The following SON variants were observed in gnomAD, a reference collection of about 807,000 sequenced individuals.
SON encodes SON DNA and RNA binding protein.
Under a neutral mutation model 173.3 loss-of-function variants are expected in SON, and 4 were observed. The observed-to-expected ratio is 0.02, with a 90% CI of 0.01 to 0.05. The LOEUF (loss-of-function observed/expected upper bound fraction) is 0.05. SON is among the 10% of genes least tolerant of loss of function. The pLI, the probability that SON is intolerant of heterozygous loss-of-function variation, is 1.00. For synonymous variants in SON, 1,190 were observed against 1,105.9 expected (o/e 1.08, Z -1.51); for missense variants, 2,626 against 3,055.3 (o/e 0.86, Z 3.31).
intron 6 of SON, among the ~76,000 whole-genome samples, chr21:33,563,195 T>C (rs1258644420): frequency 6.6e-6 from 1 of 152,188 alleles, no homozygotes; most frequent in Non-Finnish European, 1.5e-5. Flanking sequence ...CTTATGTGGT[T>C]AACGCTGAAT....
chr21:33,549,516 A>G lies in SON; in HGVS notation c.285A>G (p.Val95=). The G allele has an allele frequency of 6.4e-7, 1 of 1,568,406 alleles. No homozygotes were observed. Among genetic ancestry groups the G allele is most frequent in the Non-Finnish European group, 8.6e-7 (1 of 1,165,356 alleles). ...EGSRKSRCVS[V]QTDPTDEIPT... ...CCAGAAAAAGTAGATGCGTATCTGT[A>G]CAAACAGATCCTACTGATGAAATTC... The change falls in exon 3 of 12, where the codon GTA becomes GTG. Residue 95 remains valine, a synonymous_variant. Transcript: ENST00000356577.
At position 33,554,906 on chromosome 21, in the gene SON, A is replaced by G. The variant is rs749079133; in HGVS notation, c.5675A>G (p.Lys1892Arg). ...GRRSVSKEKRKRSPKHRSKSR... is the reference protein window; with the variant it reads ...GRRSVSKEKRRRSPKHRSKSR... ...AGATCTGTATCAAAAGAGAAGCGCAAAAGATCTCCAAAGCACAGATCCAAG... is the reference window on the plus strand; with the variant it reads ...AGATCTGTATCAAAAGAGAAGCGCAGAAGATCTCCAAAGCACAGATCCAAG... The change falls in exon 3 of 12, where the codon AAA (lysine) becomes AGA (arginine). Residue 1892 changes from lysine (K) to arginine (R), a missense_variant. Transcript: ENST00000356577. 1.2e-5 allele frequency: 19 copies of G among 1,614,066 alleles called. No homozygotes were observed. The highest frequency in any genetic ancestry group is 8.9e-5 in the East Asian group (4 of 44,900).
intron 3 of SON, among the ~76,000 whole-genome samples, chr21:33,556,933 G>GC (rs2085978899): frequency 1.3e-5 from 2 of 151,714 alleles, no homozygotes; most frequent in Non-Finnish European, 2.9e-5. Flanking sequence ...CCTGAATGAG[G>GC]CCACTGCTGA....
Position 33,554,840 on chromosome 21 carries a change from G to A in SON, c.5609G>A (p.Arg1870Lys), listed in dbSNP as rs1450973225. Residue 1870 changes from arginine (R) to lysine (K), a missense_variant, in exon 3 of 12, where the codon AGG (arginine) becomes AAG (lysine). Around this residue, in one of 13 missense-constraint regions of SON, gnomAD observed 1,006 missense variants for 895.6 expected, o/e 1.12. Transcript: ENST00000356577. ...QTRSRSRSRR[R>K]RRSSRSRSKS... ...CGTTCACGGTCACGTTCAAGACGCAGGAGGAGAAGCAGCAGATCAAGATCA... is the reference window on the plus strand; with the variant it reads ...CGTTCACGGTCACGTTCAAGACGCAAGAGGAGAAGCAGCAGATCAAGATCA... The A allele has an allele frequency of 6.2e-7, 1 of 1,614,034 alleles. No homozygotes were observed. The highest frequency in any genetic ancestry group is 2.2e-5 in the East Asian group (1 of 44,886).
At chr21:33,570,395 C>A (rs780767839) in intron 8 of SON, among the ~76,000 whole-genome samples, 4 of 152,174 alleles carry the variant, frequency 2.6e-5, no homozygotes, top group African/African-American at 9.7e-5. Flanking sequence ...GTTGATCTTA[C>A]TAACAAATTA....
rs2085760016 is a variant in SON at position 33,550,853 on chromosome 21, A to C, written c.1622A>C (p.Glu541Ala). ...GCAACAGGGTTGCTGGGGCAGCCTG[A>C]GGCAACGATGGTGCTGGAGTTGCCA... Reference protein sequence around the residue: ...TTATGLLGQPEATMVLELPGQ... With the variant: ...TTATGLLGQPAATMVLELPGQ... Residue 541 changes from glutamate to alanine, a missense_variant, in exon 3 of 12, where the codon GAG (glutamate) becomes GCG (alanine). This residue lies in a region of SON where 757 missense variants were observed against 730.1 expected (regional missense o/e 1.04). Transcript: ENST00000356577. 1 of 1,613,066 alleles carries C rather than the reference A, an allele frequency of 6.2e-7. No homozygotes were observed.
chr21:33,554,335 AGTG>A lies in SON; in HGVS notation c.5106_5108del (p.Ser1702_Gly1703delinsArg). The stretch of plus-strand genomic sequence containing the variant: ...AGCTCTGCTCAGCCCTAAAGAAAGT[AGTG>A]GAGGAGAAAAAGAAGTACCTCCCCC... On this transcript the variant is annotated inframe_deletion, in exon 3 of 12. Transcript: ENST00000356577. 6.2e-7 allele frequency: 1 copy of A among 1,614,158 alleles called. No individual in the cohort carries two copies. Among genetic ancestry groups the A allele is most frequent in the Middle Eastern group, 1.6e-4 (1 of 6,062 alleles).
chr21:33,555,359 G>A lies in SON; in HGVS notation c.6128G>A (p.Arg2043Gln), dbSNP rs750896991. 1.0e-5 allele frequency: 16 copies of A among 1,578,830 alleles called. No homozygotes were observed. Among genetic ancestry groups the A allele is most frequent in the East Asian group, 4.8e-5 (2 of 41,936 alleles). ...IRRKRSRSSE[R>Q]GRSPKRLTDL... ...CGTAAAAGATCCAGGTCTTCTGAACGAGGCAGATCACCCAAACGTCTGACA... is the reference window on the plus strand; with the variant it reads ...CGTAAAAGATCCAGGTCTTCTGAACAAGGCAGATCACCCAAACGTCTGACA... Residue 2043 changes from arginine (R) to glutamine (Q), a missense_variant, in exon 3 of 12, where the codon CGA (arginine) becomes CAA (glutamine). Physicochemically the swap from Arg to Gln is conservative, Grantham distance 43. Around this residue, in one of 13 missense-constraint regions of SON, gnomAD observed 138 missense variants for 222.9 expected, o/e 0.62. Transcript: ENST00000356577.
rs780957202 is a variant in SON, at chr21:33,551,350, C to T, written c.2119C>T (p.Pro707Ser). ...GACTTCTGTAACAGTAGGAGTGGAT[C>T]CCTTGATGGCCCCAGAATCCCATAT... ...GETSVTVGVD[P>S]LMAPESHILA... Residue 707 changes from proline (P) to serine (S), a missense_variant, in exon 3 of 12, where the codon CCC becomes TCC. By Grantham distance (74) the Pro-to-Ser change is moderately conservative (BLOSUM62 -1). Coordinates refer to ENST00000356577, the MANE Select transcript of SON (RefSeq NM_138927.4). 5 of 1,613,984 alleles carry T rather than the reference C, an allele frequency of 3.1e-6. No homozygotes were observed. In the Admixed American group the frequency reaches 6.7e-5, roughly 22 times the overall value.
chr21:33,565,975 CTCATAG>C (rs1192737456), intron 6 of SON, among the ~76,000 whole-genome samples: 3 of 152,112 alleles, frequency 2.0e-5, no homozygotes, highest in Admixed American at 2.0e-4. Context: ...TATAATTATT[CTCATAG>C]TCATACAGCC....
At chr21:33,570,613 A>T (rs190914447) in intron 8 of SON, among the ~76,000 whole-genome samples, 1 of 152,202 alleles carries the variant, frequency 6.6e-6, no homozygotes, top group Non-Finnish European at 1.5e-5. Flanking sequence ...TATAGTTACT[A>T]TGAAAGTGAT....
In SON at chr21:33,555,287, G is replaced by T; in HGVS notation, c.6056G>T (p.Arg2019Leu). Reference sequence around the variant, plus strand: ...AGTATCTCACCAGTCAGATTAAGGCGATCAAGAACACCCTTAAGAAGAAGG... The same window carrying T: ...AGTATCTCACCAGTCAGATTAAGGCTATCAAGAACACCCTTAAGAAGAAGG... Reference protein sequence around the residue: ...SFSISPVRLRRSRTPLRRRFS... With the variant: ...SFSISPVRLRLSRTPLRRRFS... Residue 2019 changes from arginine to leucine, a missense_variant, in exon 3 of 12, where the codon CGA becomes CTA. Physicochemically the swap from Arg to Leu is moderately radical, Grantham distance 102. Around this residue, in one of 13 missense-constraint regions of SON, gnomAD observed 138 missense variants for 222.9 expected, o/e 0.62. Coordinates refer to ENST00000356577, the MANE Select transcript of SON (RefSeq NM_138927.4). 1 of 1,611,860 alleles carries T rather than the reference G, an allele frequency of 6.2e-7. No homozygotes were observed. The highest frequency in any genetic ancestry group is 8.5e-7 in the Non-Finnish European group (1 of 1,179,114).
chr21:33,552,295 C>T lies in SON; in HGVS notation c.3064C>T (p.Arg1022Trp), dbSNP rs1488614940. ...CGAACGCTCTATGATGTCTTATGAG[C>T]GGTCTATGATGTCCCCTATGGCTGA... The part of the protein sequence containing the change: ...SYERSMMSYE[R>W]SMMSPMAERS... The change falls in exon 3 of 12, where the codon CGG becomes TGG. Residue 1022 changes from arginine to tryptophan, a missense_variant. Arg to Trp is a moderately radical substitution (Grantham distance 101, BLOSUM62 -3). This residue lies in a region of SON where 366 missense variants were observed against 448.6 expected (regional missense o/e 0.82). Coordinates refer to ENST00000356577, the MANE Select transcript of SON (RefSeq NM_138927.4). The surrounding 1 kb of genome is among the most constrained non-coding windows in gnomAD (Gnocchi z 5.6). The T allele has an allele frequency of 6.2e-7, 1 of 1,614,034 alleles. No individual in the cohort carries two copies. The highest frequency in any genetic ancestry group is 8.5e-7 in the Non-Finnish European group (1 of 1,179,976).
chr21:33,561,622 G>T (rs188400160), intron 6 of SON, among the ~76,000 whole-genome samples: 272 of 151,210 alleles, frequency 1.8e-3, no homozygotes, highest in Non-Finnish European at 3.0e-3. Flanking sequence ...ACACTTTTTT[G>T]AGAGAGAGAG....
chr21:33,557,356 A>G (rs927627196), intron 4 of SON, 40 bp downstream of exon 4: 1 of 1,606,686 alleles, frequency 6.2e-7, no homozygotes, highest in Non-Finnish European at 8.5e-7. Context: ...TAAATGGATT[A>G]TTCCAGTGAT....
At chr21:33,571,849 TCTCTTTATACATCTACACTG>T (rs2086291571) in intron 8 of SON, 1 of 152,464 alleles carries the variant, frequency 6.6e-6, no homozygotes, top group African/African-American at 2.4e-5. Flanking sequence ...GCATCAGCTT[TCTCTTTATACATCTACACTG>T]CATGGCCTGC....
intron 2 of SON, among the ~76,000 whole-genome samples, chr21:33,547,423 T>C (rs1428103060): frequency 6.6e-6 from 1 of 152,202 alleles, no homozygotes; most frequent in South Asian, 2.1e-4. Context: ...GATTAATTGA[T>C]GTTTAGAAAT....
At chr21:33,566,665 T>TA (rs2086178574) in intron 6 of SON, among the ~76,000 whole-genome samples, 1 of 152,178 alleles carries the variant, frequency 6.6e-6, no homozygotes, top group Non-Finnish European at 1.5e-5. Flanking sequence ...ATGTTAAAGA[T>TA]ACGCTGATGA....
intron 8 of SON, chr21:33,572,397 A>T (rs911867388): frequency 1.7e-5 from 6 of 343,900 alleles, no homozygotes; most frequent in African/African-American, 1.3e-4. Context: ...ATAACTGTTG[A>T]CCATGCTAAT....
Sources: allele counts gnomAD v4.1 joint callset (sites outside exome capture counted in the v4.1 genomes callset), GRCh38; gene constraint gnomAD v4.1.1; regional missense constraint gnomAD v4.1.1; non-coding constraint Gnocchi (gnomAD v3.1); transcripts MANE v1.5; gene names NCBI Gene and HGNC (gene_info 2026-07-23, HGNC 2026-07-21).